MTHFD1L: variants seen among roughly 807,000 people sequenced by gnomAD.
MTHFD1L encodes the protein monofunctional C1-tetrahydrofolate synthase, mitochondrial.
Under a neutral mutation model 119.5 loss-of-function variants are expected in MTHFD1L, and 81 were observed. That is an observed-to-expected ratio of 0.68 (90% CI 0.57 to 0.82). MTHFD1L has a LOEUF of 0.82. Ranked by LOEUF, MTHFD1L falls within the 40% of genes least tolerant of loss-of-function variation. MTHFD1L has a pLI of 0.00. For synonymous variants in MTHFD1L, 430 were observed against 475.2 expected (o/e 0.90, Z 1.24); for missense variants, 1,125 against 1,253.4 (o/e 0.90, Z 1.55).
intron 1 of MTHFD1L, chr6:150,866,332 C>G (rs1778301822): frequency 2.1e-6 from 3 of 1,452,848 alleles, no homozygotes; most frequent in African/African-American, 3.0e-5. Flanking sequence ...CGCCCGGCTC[C>G]ACGTGCGCAG....
chr6:151,056,994 G>C (rs1181107629), intron 26 of MTHFD1L, among the ~76,000 whole-genome samples: 3 of 152,086 alleles, frequency 2.0e-5, no homozygotes, highest in Non-Finnish European at 4.4e-5. Flanking sequence ...TTGTATTTTG[G>C]GGTTTTTTGC....
At chr6:151,065,069 G>C (rs1410826701) in intron 26 of MTHFD1L, among the ~76,000 whole-genome samples, 2 of 152,190 alleles carry the variant, frequency 1.3e-5, no homozygotes, top group African/African-American at 4.8e-5. Flanking sequence ...CTCCCAAAGT[G>C]CTGGGATTAC....
At chr6:151,060,499 G>C (rs908256777) in intron 26 of MTHFD1L, among the ~76,000 whole-genome samples, 2 of 152,214 alleles carry the variant, frequency 1.3e-5, no homozygotes, top group African/African-American at 4.8e-5. Flanking sequence ...TGACGTCTGG[G>C]ACAGAGGGAG....
chr6:151,097,451 C>T (rs1794974277), intron 27 of MTHFD1L, among the ~76,000 whole-genome samples: 1 of 152,148 alleles, frequency 6.6e-6, no homozygotes, highest in African/African-American at 2.4e-5. Flanking sequence ...ATGTCATTTA[C>T]AGCAGCATGG....
chr6:150,982,713 T>C (rs1777713466), intron 20 of MTHFD1L, among the ~76,000 whole-genome samples: 1 of 152,082 alleles, frequency 6.6e-6, no homozygotes, highest in African/African-American at 2.4e-5. Flanking sequence ...TTTTTTTTTT[T>C]TCTTGAGACA....
Position 150,958,563 on chromosome 6 carries a change from T to C in MTHFD1L, c.1804-1712T>C, listed in dbSNP as rs527367977. On this transcript the variant is annotated intron_variant, in intron 17 of 27. Coordinates refer to ENST00000367321, the MANE Select transcript of MTHFD1L (RefSeq NM_015440.5). ...GCCAATATCCCATATTGGCCTTTGT[T>C]TAAATGTGTGCTAAATCCCTCATTT... is the stretch of plus-strand genomic sequence containing the variant. Among the ~76,000 whole-genome samples the C allele has an allele frequency of 1.3e-3, 205 of 152,292 alleles. 7 individuals carry two copies. In the South Asian group the frequency reaches 0.038, roughly 28 times the overall value.
intron 20 of MTHFD1L, among the ~76,000 whole-genome samples, chr6:150,982,387 C>T (rs755362832): frequency 9.9e-5 from 15 of 152,102 alleles, no homozygotes; most frequent in Non-Finnish European, 2.1e-4. Flanking sequence ...CCTCATTTTG[C>T]CTGCAGTTTA....
At chr6:150,946,276 A>G (rs1156835383) in intron 15 of MTHFD1L, among the ~76,000 whole-genome samples, 1 of 152,144 alleles carries the variant, frequency 6.6e-6, no homozygotes, top group Admixed American at 6.5e-5. Context: ...CAGCCTCCCA[A>G]GTAGCTGTGA....
chr6:151,016,586 G>T (rs1310007285), intron 24 of MTHFD1L, among the ~76,000 whole-genome samples: 1 of 151,862 alleles, frequency 6.6e-6, no homozygotes, highest in Non-Finnish European at 1.5e-5. Context: ...CTCCCAAAGT[G>T]CTGGGATTAT....
intron 21 of MTHFD1L, among the ~76,000 whole-genome samples, chr6:151,010,568 G>A (rs189001711): frequency 4.3e-4 from 66 of 152,200 alleles, no homozygotes; most frequent in African/African-American, 1.5e-3. Flanking sequence ...CTTCTTTAAA[G>A]ACTTTTTATA....
At chr6:151,095,488 A>G (rs1384724830) in intron 27 of MTHFD1L, among the ~76,000 whole-genome samples, 2 of 152,228 alleles carry the variant, frequency 1.3e-5, no homozygotes, top group African/African-American at 4.8e-5. Flanking sequence ...AGTAGGTCAT[A>G]TAAGTCCAAT....
chr6:151,093,488 C>G (rs544122868), intron 27 of MTHFD1L, among the ~76,000 whole-genome samples: 2 of 152,050 alleles, frequency 1.3e-5, no homozygotes, highest in African/African-American at 2.4e-5. Context: ...GAAACCCCGT[C>G]TCTACTAAAA....
chr6:150,925,701 C>T (rs1377577650), intron 10 of MTHFD1L, among the ~76,000 whole-genome samples: 1 of 151,850 alleles, frequency 6.6e-6, no homozygotes, highest in African/African-American at 2.4e-5. Flanking sequence ...TTTGAATAGC[C>T]AAGAGAAACA....
At chr6:151,101,134 G>C (rs1795336770) in intron 27 of MTHFD1L, among the ~76,000 whole-genome samples, 1 of 152,074 alleles carries the variant, frequency 6.6e-6, no homozygotes, top group East Asian at 1.9e-4. Context: ...ACTCCAGCCT[G>C]GGCGACAAAG....
At chr6:151,092,900 T>C (rs1326890218) in intron 27 of MTHFD1L, among the ~76,000 whole-genome samples, 3 of 152,190 alleles carry the variant, frequency 2.0e-5, no homozygotes, top group Non-Finnish European at 4.4e-5. Flanking sequence ...TGTAAACTCA[T>C]TGTTCTTTTC....
rs1462413603 is a variant in MTHFD1L, at chr6:151,079,979, AG to A, written c.2848-12487del. On this transcript the variant is annotated intron_variant, in intron 26 of 27. Transcript: ENST00000367321. ...CACCTAAGGTCAGGAGTTCAAGACC[AG>A]CCTGGCCAACGTGGTGAAACCCCGT... Among the ~76,000 whole-genome samples the A allele has an allele frequency of 8.2e-4, 125 of 151,780 alleles. 1 individual carries two copies. The highest frequency in any genetic ancestry group is 2.6e-3 in the African/African-American group (107 of 41,320).
intron 26 of MTHFD1L, chr6:151,057,090 C>G: frequency 1.6e-6 from 1 of 616,540 alleles, no homozygotes; most frequent in Non-Finnish European, 2.0e-6. Flanking sequence ...GTTGTTTGCT[C>G]TAATTATAAC....
chr6:150,877,709 T>G, intron 3 of MTHFD1L, 25 bp downstream of exon 3: 1 of 1,614,206 alleles, frequency 6.2e-7, no homozygotes, highest in Non-Finnish European at 8.5e-7. Context: ...TTTTAAAAAA[T>G]TCACTATAAC....
Position 151,092,464 on chromosome 6 carries a change from C to A in MTHFD1L, c.2848-3C>A, listed in dbSNP as rs371496488. ...ATCTGTAACGCTTGGTTTTCTCCCC[C>A]AGATGAGCACCATGCCAGGACTGCC... On this transcript the variant is annotated splice_polypyrimidine_tract_variant and splice_region_variant and intron_variant, in intron 26 of 27. Transcript: ENST00000367321. The A allele has an allele frequency of 5.0e-6, 8 of 1,609,106 alleles. No individual in the cohort carries two copies. The highest frequency in any genetic ancestry group is 1.3e-5 in the African/African-American group (1 of 74,580).
Sources: gnomAD v4.1 joint callset for allele counts (sites outside exome capture counted in the v4.1 genomes callset) on GRCh38, gnomAD v4.1.1 for gene constraint, MANE v1.5 for transcripts, NCBI Gene and HGNC (gene_info 2026-07-23, HGNC 2026-07-21) for gene names.